ULK1: variants seen among roughly 807,000 people sequenced by gnomAD.
ULK1 encodes the protein serine/threonine-protein kinase ULK1.
ULK1 carries 48 observed loss-of-function variants against 117.5 expected under a neutral mutation model. That is an observed-to-expected ratio of 0.41 (90% CI 0.32 to 0.52). The LOEUF is 0.52. ULK1 is among the 20% of genes least tolerant of loss of function. The pLI, the probability that ULK1 is intolerant of heterozygous loss-of-function variation, is 0.29. For missense variants in ULK1, 1,387 were observed against 1,473.4 expected, an observed-to-expected ratio of 0.94 and a Z score of 0.96; for synonymous variants, 790 against 637.8, an observed-to-expected ratio of 1.24 and a Z score of -3.60.
intron 12 of ULK1, 112 bp from the exon 13 acceptor site, chr12:131,911,830 C>A: frequency 1.4e-6 from 2 of 1,476,720 alleles, no homozygotes; most frequent in Non-Finnish European, 1.9e-6. Context: ...CCTTCTCAGC[C>A]CCAGCGCCCC....
intron 23 of ULK1, 83 bp from the exon 24 acceptor site, chr12:131,919,129 A>G: frequency 1.4e-6 from 2 of 1,460,594 alleles, no homozygotes; most frequent in South Asian, 2.7e-5. Context: ...TGCCTCCCCA[A>G]GGCGTCATCG....
rs781385918 is a variant in ULK1 at position 131,916,532 on chromosome 12, T to C, written c.2013T>C (p.His671=). ...LPDLSEVGPF[H]GQPLGPGLRP... The stretch of plus-strand genomic sequence containing the variant: ...ACCTCTCGGAGGTGGGACCCTTCCA[T>C]GGTCAGCCGTTGGGCCCTGGCCTGC... The change falls in exon 20 of 28, where the codon CAT becomes CAC. Residue 671 remains histidine, a synonymous_variant. Coordinates refer to ENST00000321867, the MANE Select transcript of ULK1 (RefSeq NM_003565.4). 6.2e-7 allele frequency: 1 copy of C among 1,610,484 alleles called. No homozygotes were observed. Among genetic ancestry groups the C allele is most frequent in the South Asian group, 1.1e-5 (1 of 91,066 alleles).
Position 131,908,988 on chromosome 12 carries a change from C to T in ULK1, c.564+17C>T, listed in dbSNP as rs781448917. The stretch of plus-strand genomic sequence containing the variant: ...ATGTACATGGTGTGTTTACCTTGGC[C>T]GGGCTGTGCCGGGTGGGCGCCTCTC... On this transcript the variant is annotated intron_variant, in intron 7 of 27. Transcript: ENST00000321867. 9.9e-6 allele frequency: 16 copies of T among 1,612,692 alleles called. No individual in the cohort carries two copies. Among genetic ancestry groups the T allele is most frequent in the East Asian group, 6.7e-5 (3 of 44,884 alleles).
chr12:131,918,847 G>A (rs1890001776), intron 23 of ULK1, among the ~76,000 whole-genome samples, 166 bp downstream of exon 23: 10 of 103,716 alleles, frequency 9.6e-5, no homozygotes, highest in Non-Finnish European at 1.6e-4. Flanking sequence ...TGGGGTGTCG[G>A]GTGTGTGGGG....
intron 3 of ULK1, 73 bp from the exon 4 acceptor site, chr12:131,906,819 G>A: frequency 6.2e-7 from 1 of 1,601,724 alleles, no homozygotes; most frequent in African/African-American, 1.3e-5. Context: ...GGCCGAATTG[G>A]GGCTGAGCCA....
In ULK1 at chr12:131,917,312, C is replaced by CTGTGGGACGGGGG; in HGVS notation, c.2183-98_2183-97insGTGGGACGGGGGT. On this transcript the variant is annotated intron_variant, in intron 21 of 27. Coordinates refer to ENST00000321867, the MANE Select transcript of ULK1 (RefSeq NM_003565.4). ...GCTGTGGGACGGGGGTTGGGGGGAG[C>CTGTGGGACGGGGG]TCGGAGGCCGTGGGATGGGGGTCGG... 8.3e-5 allele frequency: 26 copies of CTGTGGGACGGGGG among 312,656 alleles called. 5 individuals carry two copies. Among genetic ancestry groups the CTGTGGGACGGGGG allele is most frequent in the South Asian group, 1.5e-4 (1 of 6,800 alleles). The allele number at this position is 312,656 out of a possible 1,614,324, so 19.4% of individuals were successfully genotyped here.
intron 15 of ULK1, among the ~76,000 whole-genome samples, 198 bp downstream of exon 15, chr12:131,914,034 G>C (rs1889662616): frequency 1.3e-5 from 2 of 150,646 alleles, no homozygotes; most frequent in South Asian, 4.2e-4. Context: ...ACAGGAGTAG[G>C]TGAATGAGGA....
chr12:131,921,520 C>A lies in ULK1; in HGVS notation c.*159C>A. The A allele has an allele frequency of 9.3e-7, 1 of 1,080,098 alleles. No homozygotes were observed. Among genetic ancestry groups the A allele is most frequent in the Non-Finnish European group, 1.4e-6 (1 of 731,132 alleles). The allele number at this position is 1,080,098 out of a possible 1,614,324, so 66.9% of individuals were successfully genotyped here. ...TCAGCCTGCCGGCCTCCCTGCAGCT[C>A]ACGGGGCAGAACCAGCACATCTGGA... On this transcript the variant is annotated 3_prime_UTR_variant, in exon 28 of 28. Transcript: ENST00000321867.
intron 22 of ULK1, among the ~76,000 whole-genome samples, 179 bp downstream of exon 22, chr12:131,917,733 C>T (rs1033720184): frequency 7.2e-5 from 11 of 152,170 alleles, no homozygotes; most frequent in Non-Finnish European, 1.2e-4. Context: ...GCGAAATGGA[C>T]GTGGTTCTGG....
At chr12:131,920,332 G>A in intron 26 of ULK1, 196 bp downstream of exon 26, 1 of 667,096 alleles carries the variant, frequency 1.5e-6, no homozygotes, top group Non-Finnish European at 2.5e-6. Flanking sequence ...ATCCTTGATT[G>A]TACGGGTGCC....
In ULK1 at chr12:131,918,016, G is replaced by T. The variant is rs1566128079; in HGVS notation, c.2326+462G>T. ...CCCACTGCGGGTTCTGCCTGGGGAG[G>T]GGTGGGCTTGTGGGCGTCTGGTCCT... On this transcript the variant is annotated intron_variant, in intron 22 of 27. Coordinates refer to ENST00000321867, the MANE Select transcript of ULK1 (RefSeq NM_003565.4). Among the ~76,000 whole-genome samples, 3 of 152,332 alleles carry T rather than the reference G, an allele frequency of 2.0e-5. No individual in the cohort carries two copies. The South Asian group carries it at 6.2e-4, about 32-fold the overall frequency.
Position 131,917,068 on chromosome 12 carries a change from TG to T in ULK1, c.2182+9del. 8.6e-7 allele frequency: 1 copy of T among 1,164,174 alleles called. No individual in the cohort carries two copies. Among genetic ancestry groups the T allele is most frequent in the East Asian group, 4.2e-5 (1 of 23,708 alleles). 72.1% of individuals were successfully genotyped at this position (1,164,174 alleles called of 1,614,324 possible). On this transcript the variant is annotated splice_region_variant and intron_variant, in intron 21 of 27. Transcript: ENST00000321867. ...GGAGAAGCCCATGGAGATCGGTGTGTGGGTGGGTGGGGCTCGGAGGCTGTGG... is the reference window on the plus strand; with the variant it reads ...GGAGAAGCCCATGGAGATCGGTGTGTGGTGGGTGGGGCTCGGAGGCTGTGG...
In ULK1 at chr12:131,914,419, C is replaced by G; in HGVS notation, c.1315C>G (p.Gln439Glu). The change falls in exon 16 of 28, where the codon CAG becomes GAG. Residue 439 changes from glutamine (Q) to glutamate (E), a missense_variant. Physicochemically the swap from Gln to Glu is conservative, Grantham distance 29. Coordinates refer to ENST00000321867, the MANE Select transcript of ULK1 (RefSeq NM_003565.4). ...CCCCATCCCAGTCCCCACGCAGGTG[C>G]AGAACTACCAGCGCATTGAGCGAAA... ...SVPIPVPTQV[Q>E]NYQRIERNLQ... 1 of 1,612,766 alleles carries G rather than the reference C, an allele frequency of 6.2e-7. No individual in the cohort carries two copies. The highest frequency in any genetic ancestry group is 2.2e-5 in the East Asian group (1 of 44,882).
intron 12 of ULK1, 69 bp downstream of exon 12, chr12:131,910,869 C>T (rs2136394512): frequency 1.3e-6 from 2 of 1,597,010 alleles, no homozygotes; most frequent in East Asian, 2.3e-5. Context: ...CAGCCCTGGG[C>T]CCCCGCGGGG....
Position 131,910,309 on chromosome 12 carries a change from G to A in ULK1, c.859+5G>A. On this transcript the variant is annotated splice_donor_5th_base_variant and intron_variant, in intron 11 of 27. Transcript: ENST00000321867. ...CCAGCCCCTCGGTCAGGAAATGTGA[G>A]TTTCTGTGGGTCCTGGGGCTCCGCA... 6.2e-7 allele frequency: 1 copy of A among 1,613,742 alleles called. No individual in the cohort carries two copies. Among genetic ancestry groups the A allele is most frequent in the Non-Finnish European group, 8.5e-7 (1 of 1,179,980 alleles).
chr12:131,914,593 G>A (rs1394506135), intron 16 of ULK1, 116 bp downstream of exon 16: 10 of 1,355,186 alleles, frequency 7.4e-6, no homozygotes, highest in Admixed American at 5.2e-5. Context: ...TGCAGGCTGC[G>A]CACTGCGTAA....
chr12:131,901,032 T>C (rs1219053052), intron 3 of ULK1, among the ~76,000 whole-genome samples: 1 of 151,108 alleles, frequency 6.6e-6, no homozygotes, highest in East Asian at 1.9e-4. Flanking sequence ...TCCGAAGTTG[T>C]GTATATCTTT....
chr12:131,911,570 C>T (rs994248160), intron 12 of ULK1, among the ~76,000 whole-genome samples: 13 of 152,164 alleles, frequency 8.5e-5, no homozygotes, highest in Non-Finnish European at 1.9e-4. Flanking sequence ...CCACTGGACA[C>T]GCCTTCCATG....
intron 11 of ULK1, 46 bp from the exon 12 acceptor site, chr12:131,910,666 G>A (rs1429240359): frequency 6.2e-7 from 1 of 1,612,922 alleles, no homozygotes; most frequent in Admixed American, 1.7e-5. Context: ...AGGGTGAGGA[G>A]GAGACAGGAG....
Sources: gnomAD v4.1 joint callset for allele counts (sites outside exome capture counted in the v4.1 genomes callset) on GRCh38, gnomAD v4.1.1 for gene constraint, MANE v1.5 for transcripts, NCBI Gene and HGNC (gene_info 2026-07-23, HGNC 2026-07-21) for gene names.